Variants in GRID1 observed in about 807,000 individuals in gnomAD.
GRID1 encodes the protein glutamate receptor ionotropic, delta-1.
In GRID1, 28 loss-of-function variants were observed where a neutral mutation model predicts 98.0. The observed-to-expected ratio is 0.29, with a 90% CI of 0.21 to 0.39. The LOEUF is 0.39. GRID1 is among the 10% of genes least tolerant of loss of function. The pLI is 1.00. For synonymous variants in GRID1, 553 were observed against 538.5 expected, an observed-to-expected ratio of 1.03 and a Z score of -0.37; for missense variants, 1,111 against 1,340.5, an observed-to-expected ratio of 0.83 and a Z score of 2.67.
intron 4 of GRID1, among the ~76,000 whole-genome samples, chr10:85,972,965 A>G (rs1164233090): frequency 6.6e-6 from 1 of 152,168 alleles, no homozygotes; most frequent in African/African-American, 2.4e-5. Flanking sequence ...ATTTCATTTT[A>G]TTTTGAAATT....
chr10:85,980,801 T>A (rs1842535477), intron 4 of GRID1, among the ~76,000 whole-genome samples: 1 of 152,356 alleles, frequency 6.6e-6, no homozygotes, highest in Admixed American at 6.5e-5. Context: ...AGACCCTGCA[T>A]CTGCTTCTTA....
At chr10:86,210,748 A>G (rs1441712923) in intron 2 of GRID1, among the ~76,000 whole-genome samples, 1 of 152,220 alleles carries the variant, frequency 6.6e-6, no homozygotes, top group African/African-American at 2.4e-5. Context: ...TCAATTTCCA[A>G]TCCACTGTGA....
chr10:86,038,327 C>G (rs1289399537), intron 4 of GRID1, among the ~76,000 whole-genome samples: 1 of 152,198 alleles, frequency 6.6e-6, no homozygotes, highest in Non-Finnish European at 1.5e-5. Flanking sequence ...CCATGAACAG[C>G]TACAAGCCAG....
intron 12 of GRID1, among the ~76,000 whole-genome samples, chr10:85,701,986 C>A (rs1841456844): frequency 6.6e-6 from 1 of 151,700 alleles, no homozygotes; most frequent in Admixed American, 6.6e-5. Context: ...GAAGATATTT[C>A]CAAATTAGAA....
chr10:85,767,619 G>A lies in GRID1; in HGVS notation c.1234-38005C>T, dbSNP rs531298947. 3.9e-5 allele frequency among the ~76,000 whole-genome samples: 6 copies of A among 152,286 alleles called. No individual in the cohort carries two copies. The East Asian group carries it at 1.2e-3, about 29-fold the overall frequency. ...TCCATGGGCAAGAGTCACTGGGTCA[G>A]GGAGATGGAAAAGGGGCAAGGAGGA... is the stretch of plus-strand genomic sequence containing the variant. On this transcript the variant is annotated intron_variant, in intron 8 of 15. Coordinates refer to ENST00000327946, the MANE Select transcript of GRID1 (RefSeq NM_017551.3).
intron 12 of GRID1, among the ~76,000 whole-genome samples, chr10:85,657,869 G>C (rs1840920352): frequency 6.6e-6 from 1 of 152,146 alleles, no homozygotes. Flanking sequence ...GCCGTTTTCT[G>C]CTCCCCTGGC....
chr10:85,629,659 C>T (rs966489316), intron 13 of GRID1, among the ~76,000 whole-genome samples: 1 of 152,158 alleles, frequency 6.6e-6, no homozygotes. Flanking sequence ...CATATCTTTG[C>T]TATTGTGAAT....
chr10:86,343,956 C>G (rs766230665), intron 2 of GRID1, among the ~76,000 whole-genome samples: 1 of 152,260 alleles, frequency 6.6e-6, no homozygotes, highest in Non-Finnish European at 1.5e-5. Flanking sequence ...TGGGAAAGCA[C>G]GTGGCCACGC....
At chr10:85,990,578 C>T (rs1842668070) in intron 4 of GRID1, among the ~76,000 whole-genome samples, 1 of 152,206 alleles carries the variant, frequency 6.6e-6, no homozygotes, top group African/African-American at 2.4e-5. Flanking sequence ...CAGCCAAAAC[C>T]TTTCCAGGAA....
At chr10:85,667,328 G>T (rs866768047) in intron 12 of GRID1, among the ~76,000 whole-genome samples, 2,754 of 152,098 alleles carry the variant, frequency 0.018, 71 homozygotes, top group African/African-American at 0.063. Flanking sequence ...GAGAGAGAGA[G>T]AGAGAGAGAG....
chr10:85,616,168 T>A (rs981920515), intron 14 of GRID1, among the ~76,000 whole-genome samples: 4 of 152,246 alleles, frequency 2.6e-5, no homozygotes, highest in Non-Finnish European at 5.9e-5. Context: ...AGCACTGACA[T>A]GAGCGACCTT....
chr10:85,984,381 T>C (rs1359559921), intron 4 of GRID1, among the ~76,000 whole-genome samples: 2 of 152,146 alleles, frequency 1.3e-5, no homozygotes, highest in African/African-American at 4.8e-5. Context: ...GAGATTCTAG[T>C]CTCCATCTAC....
intron 3 of GRID1, among the ~76,000 whole-genome samples, chr10:86,181,928 A>G (rs1288581193): frequency 6.6e-6 from 1 of 152,184 alleles, no homozygotes; most frequent in East Asian, 1.9e-4. Context: ...TAGCATGCAA[A>G]AGGTACACAA....
At chr10:85,920,334 C>G (rs915293926) in intron 4 of GRID1, among the ~76,000 whole-genome samples, 1 of 152,212 alleles carries the variant, frequency 6.6e-6, no homozygotes, top group Non-Finnish European at 1.5e-5. Flanking sequence ...CAGGAAGGCT[C>G]TCACTAAAGA....
At chr10:86,087,683 G>A (rs1320720084) in intron 4 of GRID1, among the ~76,000 whole-genome samples, 5 of 152,084 alleles carry the variant, frequency 3.3e-5, no homozygotes. Flanking sequence ...GAACACCCTT[G>A]GGTCCCTGTC....
chr10:85,918,691 T>C (rs537744175), intron 4 of GRID1, among the ~76,000 whole-genome samples: 3 of 152,294 alleles, frequency 2.0e-5, no homozygotes, highest in Non-Finnish European at 2.9e-5. Flanking sequence ...ATGGCTCCCA[T>C]AATCAGGGAG....
intron 12 of GRID1, among the ~76,000 whole-genome samples, chr10:85,707,597 C>A (rs1267107753): frequency 6.6e-6 from 1 of 152,144 alleles, no homozygotes; most frequent in African/African-American, 2.4e-5. Flanking sequence ...ATTTGACCCA[C>A]CTATCCCATT....
At chr10:86,236,768 G>A (rs1161284510) in intron 2 of GRID1, among the ~76,000 whole-genome samples, 1 of 152,236 alleles carries the variant, frequency 6.6e-6, no homozygotes, top group Non-Finnish European at 1.5e-5. Context: ...CAGGGGTCAG[G>A]AGGAGCAGAA....
At chr10:85,751,021 G>A (rs575023831) in intron 8 of GRID1, among the ~76,000 whole-genome samples, 208 of 152,304 alleles carry the variant, frequency 1.4e-3, no homozygotes, top group African/African-American at 4.0e-3. Flanking sequence ...GAAATGTTCA[G>A]GTTGATAGAA....
Sources: gnomAD v4.1 joint callset for allele counts (sites outside exome capture counted in the v4.1 genomes callset) on GRCh38, gnomAD v4.1.1 for gene constraint, MANE v1.5 for transcripts, NCBI Gene and HGNC (gene_info 2026-07-23, HGNC 2026-07-21) for gene names.